FAM83A: variants seen among roughly 807,000 people sequenced by gnomAD.
FAM83A encodes the protein scaffolding CK1 anchoring protein A.
A neutral mutation model predicts 24.4 loss-of-function variants in FAM83A; 21 were observed. The observed-to-expected ratio is 0.86, with a 90% CI of 0.61 to 1.24. The LOEUF (loss-of-function observed/expected upper bound fraction) is 1.24. Among genes scored for constraint, FAM83A ranks in the 50% most tolerant of loss-of-function variants. FAM83A has a pLI of 0.00. For synonymous variants in FAM83A, 270 were observed against 252.4 expected (o/e 1.07, Z -0.66); for missense variants, 617 against 579.8 (o/e 1.06, Z -0.66).
exon 4 of FAM83A, chr8:123,207,401 G>T: frequency 1.2e-6 from 2 of 1,610,948 alleles, no homozygotes; most frequent in Admixed American, 1.7e-5. Context: ...CGGCCGCTCG[G>T]CAGGCAGCCA....
At chr8:123,187,433 A>C (rs916813781) in intron 1 of FAM83A, among the ~76,000 whole-genome samples, 1 of 152,216 alleles carries the variant, frequency 6.6e-6, no homozygotes, top group African/African-American at 2.4e-5. Context: ...GGCTCTGACC[A>C]GGTGAAGGTG....
At chr8:123,206,757 C>G (rs987374058) in intron 3 of FAM83A, among the ~76,000 whole-genome samples, 1 of 152,194 alleles carries the variant, frequency 6.6e-6, no homozygotes, top group Non-Finnish European at 1.5e-5. Flanking sequence ...CAATGTCTCT[C>G]TCTCAGGGTT....
chr8:123,181,972 A>C (rs763058061), upstream of FAM83A: 9 of 451,006 alleles, frequency 2.0e-5, no homozygotes, highest in South Asian at 1.4e-4. Context: ...ACACGTGGTC[A>C]CTCCCCTCAG....
exon 1 of FAM83A, chr8:123,182,855 G>T: frequency 6.6e-7 from 1 of 1,520,874 alleles, no homozygotes; most frequent in Non-Finnish European, 8.8e-7. Context: ...GGGACGGGAG[G>T]CATGAGCCGG....
chr8:123,184,125 G>A (rs556390098), intron 1 of FAM83A, among the ~76,000 whole-genome samples: 67 of 152,236 alleles, frequency 4.4e-4, no homozygotes, highest in African/African-American at 1.6e-3. Context: ...CATACCAAGT[G>A]CCCTGTAGAG....
chr8:123,193,934 G>A, intron 2 of FAM83A, 90 bp from the exon 3 acceptor site: 2 of 1,516,040 alleles, frequency 1.3e-6, no homozygotes, highest in Non-Finnish European at 1.8e-6. Flanking sequence ...ACAGAATGGG[G>A]GTAAAGGGAA....
At chr8:123,195,574 A>G (rs1824120313) in intron 3 of FAM83A, among the ~76,000 whole-genome samples, 1 of 152,194 alleles carries the variant, frequency 6.6e-6, no homozygotes, top group Admixed American at 6.5e-5. Flanking sequence ...ATAAAATCCC[A>G]TAGACTGGGT....
chr8:123,207,890 C>A (rs1824619337), exon 4 of FAM83A: 2 of 1,373,062 alleles, frequency 1.5e-6, no homozygotes, highest in Non-Finnish European at 1.9e-6. Flanking sequence ...TCTAGTTTGA[C>A]CTGTGCAGCA....
At position 123,206,790 on chromosome 8, in the gene FAM83A, A is replaced by G. The variant is rs140297191; in HGVS notation, c.774-367A>G. On this transcript the variant is annotated intron_variant, in intron 3 of 3. Transcript: ENST00000690554. Reference sequence around the variant, plus strand: ...GTTTCTGCCAGGATGAAATGAGCCCAAGAGGAGGGGCAGTGGGCATGGGTT... The same window carrying G: ...GTTTCTGCCAGGATGAAATGAGCCCGAGAGGAGGGGCAGTGGGCATGGGTT... 4.1e-3 allele frequency among the ~76,000 whole-genome samples: 624 copies of G among 152,222 alleles called. 4 individuals carry two copies. The highest frequency in any genetic ancestry group is 0.014 in the African/African-American group (591 of 41,530).
exon 4 of FAM83A, chr8:123,207,902 A>G: frequency 7.8e-7 from 1 of 1,279,168 alleles, no homozygotes; most frequent in Non-Finnish European, 9.8e-7. Context: ...TGTGCAGCAC[A>G]TTCCAGAAGG....
chr8:123,194,242 C>G, intron 3 of FAM83A, 94 bp downstream of exon 3: 1 of 1,528,062 alleles, frequency 6.5e-7, no homozygotes, highest in Non-Finnish European at 8.9e-7. Flanking sequence ...ACAAACACCC[C>G]CAGCAGCTCC....
chr8:123,197,853 G>C (rs564008816), intron 3 of FAM83A, among the ~76,000 whole-genome samples: 1 of 152,336 alleles, frequency 6.6e-6, no homozygotes, highest in East Asian at 1.9e-4. Context: ...ATCTGGGCCG[G>C]GTGCAGTGGC....
chr8:123,194,434 G>A (rs951229425), intron 3 of FAM83A, among the ~76,000 whole-genome samples: 1 of 151,784 alleles, frequency 6.6e-6, no homozygotes, highest in South Asian at 2.1e-4. Context: ...TATCTTAGAC[G>A]TGATTATAAA....
intron 3 of FAM83A, among the ~76,000 whole-genome samples, chr8:123,199,200 T>C (rs967835827): frequency 1.3e-5 from 2 of 152,198 alleles, no homozygotes; most frequent in Admixed American, 1.3e-4. Context: ...GCATCTGAGA[T>C]GCACTAAAAA....
exon 1 of FAM83A, chr8:123,183,147 C>T (rs145796212): frequency 1.8e-5 from 29 of 1,613,722 alleles, no homozygotes; most frequent in Non-Finnish European, 2.4e-5. Context: ...GACTGGACTC[C>T]AGCTCCCTAC....
In FAM83A at chr8:123,185,152, C is replaced by T. The variant is rs141847226; in HGVS notation, c.480+1816C>T. On this transcript the variant is annotated intron_variant, in intron 1 of 3. Transcript: ENST00000690554. Reference sequence around the variant, plus strand: ...CAAGCGGCCAGGAGTGCCCACGCTGCCTTTGTGGCCCGGCGCTGGCTGTAT... The same window carrying T: ...CAAGCGGCCAGGAGTGCCCACGCTGTCTTTGTGGCCCGGCGCTGGCTGTAT... 3.0e-4 allele frequency among the ~76,000 whole-genome samples: 45 copies of T among 152,316 alleles called. No homozygotes were observed. In the East Asian group the frequency reaches 6.0e-3, roughly 20 times the overall value.
At chr8:123,197,297 A>AT (rs1397609411) in intron 3 of FAM83A, among the ~76,000 whole-genome samples, 5 of 152,262 alleles carry the variant, frequency 3.3e-5, no homozygotes, top group African/African-American at 1.2e-4. Context: ...TAGGAGGCAC[A>AT]TTCACACAAG....
At position 123,187,788 on chromosome 8, in the gene FAM83A, G is replaced by A. The variant is rs147273126; in HGVS notation, c.481-4015G>A. On this transcript the variant is annotated intron_variant, in intron 1 of 3. Coordinates refer to ENST00000690554, the Ensembl canonical transcript of FAM83A. ...CCAGTGGAGAAAGTGAAGTGGGGACGAGGCAGGATGATGTTCCTGGCAGGG... is the reference window on the plus strand; with the variant it reads ...CCAGTGGAGAAAGTGAAGTGGGGACAAGGCAGGATGATGTTCCTGGCAGGG... Among the ~76,000 whole-genome samples the A allele has an allele frequency of 1.2e-3, 184 of 152,252 alleles. 3 individuals carry two copies. In the East Asian group the frequency reaches 0.031, roughly 25 times the overall value.
At chr8:123,200,964 A>ATATAT (rs1182442080) in intron 3 of FAM83A, among the ~76,000 whole-genome samples, 23 of 146,210 alleles carry the variant, frequency 1.6e-4, no homozygotes, top group African/African-American at 5.4e-4. Flanking sequence ...AAACAAAAAA[A>ATATAT]AAAAATATAT....
Sources: gnomAD v4.1 joint callset for allele counts (sites outside exome capture counted in the v4.1 genomes callset) on GRCh38, gnomAD v4.1.1 for gene constraint, MANE v1.5 for transcripts, NCBI Gene and HGNC (gene_info 2026-07-23, HGNC 2026-07-21) for gene names.